The following SYNE2 variants were observed in gnomAD, a reference collection of about 807,000 sequenced individuals.
SYNE2 encodes spectrin repeat containing nuclear envelope protein 2.
Under a neutral mutation model 856.3 loss-of-function variants are expected in SYNE2, and 431 were observed. That is an observed-to-expected ratio of 0.50 (90% CI 0.47 to 0.55). The LOEUF (loss-of-function observed/expected upper bound fraction) is 0.55. SYNE2 is among the 20% of genes least tolerant of loss of function. The pLI is 0.00. For missense variants in SYNE2, 8,129 were observed against 8,023.2 expected (o/e 1.01, Z -0.50); for synonymous variants, 2,923 against 2,872.3 (o/e 1.02, Z -0.56).
intron 52 of SYNE2, among the ~76,000 whole-genome samples, chr14:64,072,916 C>T (rs1323207920): frequency 6.6e-6 from 1 of 152,106 alleles, no homozygotes; most frequent in Non-Finnish European, 1.5e-5. Flanking sequence ...CTCATGTTTA[C>T]CAGTTTATTA....
chr14:63,909,924 C>T (rs2095452580), intron 2 of SYNE2, among the ~76,000 whole-genome samples: 1 of 152,134 alleles, frequency 6.6e-6, no homozygotes, highest in Non-Finnish European at 1.5e-5. Flanking sequence ...ACCTTTCAGT[C>T]ATGTGAATCA....
Position 64,126,585 on chromosome 14 carries a change from C to T in SYNE2, c.13708-13C>T, listed in dbSNP as rs146315545. 137 of 1,614,222 alleles carry T rather than the reference C, an allele frequency of 8.5e-5. No homozygotes were observed. The highest frequency in any genetic ancestry group is 3.5e-4 in the African/African-American group (26 of 75,064). Reference sequence around the variant, plus strand: ...CAGAGCTCATTCATTGTCTTCCTTCCTCTCCACTCCAGACGCTGGCTCTTG... The same window carrying T: ...CAGAGCTCATTCATTGTCTTCCTTCTTCTCCACTCCAGACGCTGGCTCTTG... On this transcript the variant is annotated splice_polypyrimidine_tract_variant and intron_variant, in intron 72 of 115. Coordinates refer to ENST00000555002, the MANE Select transcript of SYNE2 (RefSeq NM_182914.3).
intron 31 of SYNE2, among the ~76,000 whole-genome samples, chr14:64,008,544 ATAT>A (rs2096818509): frequency 1.3e-5 from 2 of 152,102 alleles, no homozygotes; most frequent in African/African-American, 4.8e-5. Context: ...AAAATATTTG[ATAT>A]TATTTATTAA....
chr14:64,218,190 G>A (rs2098675968), intron 108 of SYNE2: 1 of 543,784 alleles, frequency 1.8e-6, no homozygotes, highest in East Asian at 3.5e-5. Flanking sequence ...CTCTCCCTGG[G>A]CCTTAGCTGA....
At chr14:63,885,249 A>G (rs555074606) in intron 1 of SYNE2, among the ~76,000 whole-genome samples, 265 of 152,272 alleles carry the variant, frequency 1.7e-3, no homozygotes, top group Admixed American at 6.0e-3. Flanking sequence ...AGAGGCGATT[A>G]TTGAGCCTGC....
At chr14:63,909,289 T>C (rs2095444584) in intron 2 of SYNE2, 62 bp downstream of exon 2, 2 of 1,124,850 alleles carry the variant, frequency 1.8e-6, no homozygotes, top group Non-Finnish European at 2.7e-6. Flanking sequence ...TTTTATCTAG[T>C]TGCAAGTCAC....
intron 111 of SYNE2, 85 bp from the exon 112 acceptor site, chr14:64,221,491 G>A (rs1360929991): frequency 6.2e-7 from 1 of 1,613,450 alleles, no homozygotes; most frequent in South Asian, 1.1e-5. Context: ...GACTGTGATG[G>A]ATTGGAAGCA....
rs533442133 is a variant in SYNE2, at chr14:63,983,731, G to C, written c.2002-6G>C. 1 of 1,609,076 alleles carries C rather than the reference G, an allele frequency of 6.2e-7. No homozygotes were observed. The highest frequency in any genetic ancestry group is 1.1e-5 in the South Asian group (1 of 90,716). The stretch of plus-strand genomic sequence containing the variant: ...GTATTACATTTCATGAAATTATTTT[G>C]TATAGGAAATGAACCTGCCACTGAT... On this transcript the variant is annotated splice_region_variant and splice_polypyrimidine_tract_variant and intron_variant, in intron 17 of 115. Coordinates refer to ENST00000555002, the MANE Select transcript of SYNE2 (RefSeq NM_182914.3).
At chr14:64,108,497 TGG>T (rs1491157786) in intron 65 of SYNE2, among the ~76,000 whole-genome samples, 4 of 152,182 alleles carry the variant, frequency 2.6e-5, no homozygotes, top group Non-Finnish European at 4.4e-5. Context: ...GTGTGGGGGA[TGG>T]GTACTATTTC....
intron 1 of SYNE2, among the ~76,000 whole-genome samples, chr14:63,896,960 G>A (rs2095262644): frequency 6.6e-6 from 1 of 152,072 alleles, no homozygotes; most frequent in African/African-American, 2.4e-5. Context: ...TGTTTAAAAT[G>A]TATATAAATG....
At chr14:64,162,839 C>T (rs1000987761) in intron 88 of SYNE2, 11 of 190,906 alleles carry the variant, frequency 5.8e-5, no homozygotes, top group Non-Finnish European at 8.8e-5. Context: ...CAAATCAAAA[C>T]GTGGCAACCA....
intron 96 of SYNE2, among the ~76,000 whole-genome samples, chr14:64,183,445 C>T (rs1354314093): frequency 6.6e-6 from 1 of 151,222 alleles, no homozygotes; most frequent in African/African-American, 2.4e-5. Flanking sequence ...GGCAGCCAGG[C>T]AGAGGGGCTC....
chr14:64,155,508 T>C (rs2098278771), intron 85 of SYNE2, among the ~76,000 whole-genome samples: 1 of 151,944 alleles, frequency 6.6e-6, no homozygotes, highest in South Asian at 2.1e-4. Context: ...TGTTCTAAAA[T>C]TGATTATGGA....
chr14:64,129,086 T>C (rs901018635), intron 74 of SYNE2, among the ~76,000 whole-genome samples: 2 of 152,172 alleles, frequency 1.3e-5, no homozygotes, highest in Non-Finnish European at 2.9e-5. Context: ...GGCAGGTGGA[T>C]CACTTGAAGC....
At chr14:63,819,351 C>T (rs888687546) in intron 1 of SYNE2, among the ~76,000 whole-genome samples, 2 of 152,186 alleles carry the variant, frequency 1.3e-5, no homozygotes, top group Non-Finnish European at 2.9e-5. Context: ...CCTGCCTCAG[C>T]CTCCTGAGTA....
At chr14:63,907,009 C>T (rs1310767099) in intron 1 of SYNE2, among the ~76,000 whole-genome samples, 12 of 152,068 alleles carry the variant, frequency 7.9e-5, no homozygotes, top group African/African-American at 2.7e-4. Flanking sequence ...TCCCAAAGGC[C>T]CCACCTCCTA....
intron 65 of SYNE2, among the ~76,000 whole-genome samples, chr14:64,109,509 TTCTGAC>T (rs1423935411): frequency 3.9e-5 from 6 of 152,172 alleles, no homozygotes; most frequent in Non-Finnish European, 8.8e-5. Flanking sequence ...ACCCAGATCT[TTCTGAC>T]TCTGAGTTTA....
chr14:63,973,501 G>A (rs190868456), intron 11 of SYNE2, among the ~76,000 whole-genome samples: 123 of 151,728 alleles, frequency 8.1e-4, no homozygotes, highest in Admixed American at 7.9e-4. Flanking sequence ...GTGTGGTGGT[G>A]TGTGCCTGTA....
intron 14 of SYNE2, among the ~76,000 whole-genome samples, chr14:63,979,334 ATT>A (rs965042005): frequency 1.4e-4 from 21 of 152,122 alleles, no homozygotes; most frequent in Non-Finnish European, 1.5e-5. Flanking sequence ...TGAAATGTTA[ATT>A]TTTGTTTCCT....
Sources: gnomAD v4.1 joint callset for allele counts (sites outside exome capture counted in the v4.1 genomes callset) on GRCh38, gnomAD v4.1.1 for gene constraint, MANE v1.5 for transcripts, NCBI Gene and HGNC (gene_info 2026-07-23, HGNC 2026-07-21) for gene names.